The following FAM171A1 variants were observed in gnomAD, a reference collection of about 807,000 sequenced individuals.
FAM171A1 encodes the protein protein FAM171A1.
A neutral mutation model predicts 74.9 loss-of-function variants in FAM171A1; 23 were observed. That is an observed-to-expected ratio of 0.31 (90% CI 0.22 to 0.44). FAM171A1 has a LOEUF of 0.44. Ranked by LOEUF, FAM171A1 falls within the 20% of genes least tolerant of loss-of-function variation. FAM171A1 has a pLI of 1.00. For missense variants in FAM171A1, 1,162 were observed against 1,159.2 expected, an observed-to-expected ratio of 1.00 and a Z score of -0.03; for synonymous variants, 527 against 505.7, an observed-to-expected ratio of 1.04 and a Z score of -0.57.
intron 3 of FAM171A1, among the ~76,000 whole-genome samples, chr10:15,255,275 T>C (rs548727278): frequency 6.6e-6 from 1 of 152,328 alleles, no homozygotes; most frequent in East Asian, 1.9e-4. Flanking sequence ...TACTCTTTGA[T>C]ACCGCTGCAA....
intron 1 of FAM171A1, among the ~76,000 whole-genome samples, chr10:15,309,971 T>C (rs963416051): frequency 6.6e-6 from 1 of 152,238 alleles, no homozygotes; most frequent in African/African-American, 2.4e-5. Flanking sequence ...ACGTTTGTAG[T>C]CTCTGGTATT....
intron 5 of FAM171A1, among the ~76,000 whole-genome samples, chr10:15,227,570 A>G (rs532567285): frequency 6.6e-6 from 1 of 152,060 alleles, no homozygotes; most frequent in African/African-American, 2.4e-5. Flanking sequence ...TTTTGTAGAG[A>G]CAGTCTCAAT....
intron 5 of FAM171A1, among the ~76,000 whole-genome samples, chr10:15,245,628 C>T (rs1834422841): frequency 6.6e-6 from 1 of 152,246 alleles, no homozygotes; most frequent in Non-Finnish European, 1.5e-5. Context: ...GGCTAAGTAA[C>T]TTGGCCAGGG....
At chr10:15,219,876 G>C (rs990965814) in intron 6 of FAM171A1, among the ~76,000 whole-genome samples, 3 of 152,166 alleles carry the variant, frequency 2.0e-5, no homozygotes, top group South Asian at 2.1e-4. Context: ...CACCGCGCCC[G>C]GCTAAGGGAA....
chr10:15,349,219 G>C (rs1041765956), intron 1 of FAM171A1, among the ~76,000 whole-genome samples: 1 of 152,192 alleles, frequency 6.6e-6, no homozygotes, highest in Admixed American at 6.5e-5. Context: ...ATACAGAACA[G>C]GGCTAGAGGT....
chr10:15,320,833 C>A (rs147070991), intron 1 of FAM171A1, among the ~76,000 whole-genome samples: 1 of 152,300 alleles, frequency 6.6e-6, no homozygotes, highest in African/African-American at 2.4e-5. Flanking sequence ...TCTAACTTAA[C>A]AATCGTACTA....
intron 1 of FAM171A1, among the ~76,000 whole-genome samples, chr10:15,334,820 C>A (rs1203164985): frequency 1.3e-5 from 2 of 152,194 alleles, no homozygotes; most frequent in African/African-American, 2.4e-5. Context: ...GAGACAGTAG[C>A]TGAATACACT....
At chr10:15,314,233 T>C (rs553182282) in intron 1 of FAM171A1, among the ~76,000 whole-genome samples, 17 of 152,080 alleles carry the variant, frequency 1.1e-4, no homozygotes, top group African/African-American at 3.1e-4. Context: ...CACATCACCA[T>C]TGCCACTGAG....
intron 1 of FAM171A1, among the ~76,000 whole-genome samples, chr10:15,323,185 T>G (rs1358967866): frequency 6.7e-6 from 1 of 150,130 alleles, no homozygotes; most frequent in Non-Finnish European, 1.5e-5. Context: ...CCGGGTGTGG[T>G]GGCTCATGCC....
chr10:15,307,480 A>C (rs1450838357), intron 1 of FAM171A1, among the ~76,000 whole-genome samples: 4 of 151,944 alleles, frequency 2.6e-5, no homozygotes, highest in African/African-American at 9.7e-5. Context: ...CATCGTCTCT[A>C]CTAAAAACAC....
At chr10:15,361,720 T>C (rs1433071539) in intron 1 of FAM171A1, among the ~76,000 whole-genome samples, 1 of 152,148 alleles carries the variant, frequency 6.6e-6, no homozygotes, top group Non-Finnish European at 1.5e-5. Flanking sequence ...GGACTCACTT[T>C]ATGGATTGGG....
At chr10:15,374,358 G>A (rs1206472621), upstream of FAM171A1, among the ~76,000 whole-genome samples, 1 of 152,216 alleles carries the variant, frequency 6.6e-6, no homozygotes, top group Non-Finnish European at 1.5e-5. Flanking sequence ...CATCACCCGG[G>A]TATTTTCCAG....
chr10:15,226,577 CTCTT>C (rs1219699763), intron 5 of FAM171A1, among the ~76,000 whole-genome samples: 5 of 152,134 alleles, frequency 3.3e-5, no homozygotes, highest in African/African-American at 1.2e-4. Context: ...CGTAACCTGA[CTCTT>C]TGCCAAAACT....
intron 1 of FAM171A1, among the ~76,000 whole-genome samples, chr10:15,367,629 T>A (rs1396957297): frequency 6.6e-6 from 1 of 152,236 alleles, no homozygotes; most frequent in African/African-American, 2.4e-5. Context: ...GATCCCAGTG[T>A]TCTAATAACT....
chr10:15,227,701 T>G (rs761761585), intron 5 of FAM171A1, among the ~76,000 whole-genome samples: 10 of 152,226 alleles, frequency 6.6e-5, no homozygotes, highest in Non-Finnish European at 1.5e-4. Context: ...TTCTTTAGAG[T>G]TAGACCTTAC....
chr10:15,220,877 C>A lies in FAM171A1; in HGVS notation c.871+67G>T, dbSNP rs41302972. ...TGCTGAAGTTATTTTCAAGAGCATA[C>A]TTAGCCTGAACCCTCAAAGACCAAA... On this transcript the variant is annotated intron_variant, in intron 6 of 7. Coordinates refer to ENST00000378116, the MANE Select transcript of FAM171A1 (RefSeq NM_001010924.2). The A allele has an allele frequency of 4.1e-5, 49 of 1,183,226 alleles. No homozygotes were observed. The East Asian group carries it at 9.3e-4, about 23-fold the overall frequency. 73.3% of individuals were successfully genotyped at this position (1,183,226 alleles called of 1,614,324 possible).
intron 5 of FAM171A1, among the ~76,000 whole-genome samples, chr10:15,231,123 T>G (rs1834199688): frequency 6.6e-6 from 1 of 152,218 alleles, no homozygotes. Flanking sequence ...GGATGCTTGC[T>G]AAAGAGCTTG....
At position 15,225,602 on chromosome 10, in the gene FAM171A1, C is replaced by T. The variant is rs534400711; in HGVS notation, c.755-4542G>A. 2.7e-4 allele frequency among the ~76,000 whole-genome samples: 41 copies of T among 152,298 alleles called. No homozygotes were observed. The East Asian group carries it at 5.6e-3, about 21-fold the overall frequency. On this transcript the variant is annotated intron_variant, in intron 5 of 7. Transcript: ENST00000378116. ...GCAGACAGTTTCACCACCGGAGCAG[C>T]GGGCACCAGGGCCAGGATTCTTTAC...
At chr10:15,289,136 T>G (rs1414441668) in intron 1 of FAM171A1, among the ~76,000 whole-genome samples, 1 of 152,092 alleles carries the variant, frequency 6.6e-6, no homozygotes, top group African/African-American at 2.4e-5. Flanking sequence ...TCGGTAATTC[T>G]TACAGCCCAC....
Sources: allele counts gnomAD v4.1 joint callset (sites outside exome capture counted in the v4.1 genomes callset), GRCh38; gene constraint gnomAD v4.1.1; transcripts MANE v1.5; gene names NCBI Gene and HGNC (gene_info 2026-07-23, HGNC 2026-07-21).